Variants in WFDC5 observed in about 807,000 individuals in gnomAD.
The protein encoded by WFDC5 is WAP four-disulfide core domain 5, also known as WAP four-disulfide core domain protein 5.
A neutral mutation model predicts 15.7 loss-of-function variants in WFDC5; 15 were observed. That is an observed-to-expected ratio of 0.96 (90% CI 0.64 to 1.47). WFDC5 has a LOEUF of 1.47. Among genes scored for constraint, WFDC5 ranks in the 40% most tolerant of loss-of-function variants. WFDC5 has a pLI of 0.00. For missense variants in WFDC5, 280 were observed against 258.0 expected (o/e 1.09, Z -0.59); for synonymous variants, 109 against 107.7 (o/e 1.01, Z -0.07).
Position 45,112,751 on chromosome 20 carries a change from A to G in WFDC5, c.86-1976T>C, listed in dbSNP as rs539238407. Among the ~76,000 whole-genome samples, 12 of 152,364 alleles carry G rather than the reference A, an allele frequency of 7.9e-5. No individual in the cohort carries two copies. The South Asian group carries it at 2.5e-3, about 32-fold the overall frequency. ...TTAGCTACAGGCTTAACAGTAGGAA[A>G]CTGCAGATAGTCAACTGTTTTATCT... On this transcript the variant is annotated intron_variant, in intron 1 of 3. Coordinates refer to ENST00000307971, the Ensembl canonical transcript of WFDC5.
At chr20:45,115,455 C>A (rs1353196086), upstream of WFDC5, among the ~76,000 whole-genome samples, 1 of 152,102 alleles carries the variant, frequency 6.6e-6, no homozygotes, top group African/African-American at 2.4e-5. Flanking sequence ...GAAGCCCCAG[C>A]GATGTCTAGG....
chr20:45,115,227 G>T, upstream of WFDC5: 1 of 696,240 alleles, frequency 1.4e-6, no homozygotes, highest in South Asian at 1.9e-5. Context: ...ACCCCCTGAG[G>T]GCCCGAGGAC....
In WFDC5 at chr20:45,115,153, A is replaced by G. The variant is rs574361068; in HGVS notation, c.-70T>C. 2,847 of 1,485,480 alleles carry G rather than the reference A, an allele frequency of 1.9e-3. 67 individuals are homozygous for G. The South Asian group carries it at 0.031, about 16-fold the overall frequency. The allele number at this position is 1,485,480 out of a possible 1,614,324, so 92.0% of individuals were successfully genotyped here. A position where few individuals can be genotyped will look rare whatever the true frequency, so the allele number is the denominator to read the frequency against. On this transcript the variant is annotated 5_prime_UTR_variant, in exon 1 of 4. Coordinates refer to ENST00000307971, the Ensembl canonical transcript of WFDC5. Reference sequence around the variant, plus strand: ...CTGCAGCCTCAGGGAAGCCAGAGAAACTTAGTCAGGAGAGGAAAGAGAGGG... The same window carrying G: ...CTGCAGCCTCAGGGAAGCCAGAGAAGCTTAGTCAGGAGAGGAAAGAGAGGG...
upstream of WFDC5, chr20:45,115,192 A>G (rs961521859): frequency 4.9e-6 from 5 of 1,018,456 alleles, no homozygotes; most frequent in African/African-American, 3.2e-5. Flanking sequence ...GTGGAGTGAC[A>G]CCGTGCCTGC....
upstream of WFDC5, chr20:45,115,215 C>G: frequency 1.2e-6 from 1 of 807,288 alleles, no homozygotes; most frequent in Admixed American, 2.8e-5. Context: ...CATCTTGGCC[C>G]CACCCCCTGA....
chr20:45,109,863 T>A (rs781008797), exon 4 of WFDC5: 1 of 1,155,840 alleles, frequency 8.7e-7, no homozygotes, highest in South Asian at 1.3e-5. Context: ...TGCAGGGAAG[T>A]GTCAGCAGGC....
At chr20:45,112,686 A>G (rs1309513895) in intron 1 of WFDC5, among the ~76,000 whole-genome samples, 1 of 152,236 alleles carries the variant, frequency 6.6e-6, no homozygotes, top group African/African-American at 2.4e-5. Context: ...CGATACACAC[A>G]TAGTCAAATA....
At chr20:45,115,172 G>C, upstream of WFDC5, 1 of 1,304,166 alleles carries the variant, frequency 7.7e-7, no homozygotes, top group East Asian at 2.4e-5. Context: ...GGAGAGGAAA[G>C]AGAGGGGGTG....
At chr20:45,109,518 T>G in exon 4 of WFDC5, 1 of 531,834 alleles carries the variant, frequency 1.9e-6, no homozygotes, top group African/African-American at 1.9e-5. Flanking sequence ...AAAGAAAACA[T>G]TAAGTAAATG....
chr20:45,114,259 A>G (rs1981696712), intron 1 of WFDC5, among the ~76,000 whole-genome samples: 1 of 152,152 alleles, frequency 6.6e-6, no homozygotes, highest in African/African-American at 2.4e-5. Flanking sequence ...GGAGTGTTCC[A>G]GCCCCAGAAA....
chr20:45,115,327 G>A (rs1981734881), upstream of WFDC5, among the ~76,000 whole-genome samples: 1 of 152,122 alleles, frequency 6.6e-6, no homozygotes, highest in South Asian at 2.1e-4. Flanking sequence ...TGCCTGTATC[G>A]GTGACTTGGG....
At chr20:45,110,047 C>T (rs1427781728) in intron 3 of WFDC5, 34 bp from the exon 4 acceptor site, 39 of 1,602,926 alleles carry the variant, frequency 2.4e-5, no homozygotes, top group Non-Finnish European at 3.1e-5. Context: ...TAATTCCTTC[C>T]CATAATAGGG....
chr20:45,112,543 C>T (rs767766620), intron 1 of WFDC5, among the ~76,000 whole-genome samples: 32 of 152,228 alleles, frequency 2.1e-4, no homozygotes, highest in Non-Finnish European at 3.7e-4. Flanking sequence ...AGGTTCTCCA[C>T]TCACAGATGT....
chr20:45,111,019 A>G (rs146722335), intron 1 of WFDC5, among the ~76,000 whole-genome samples: 7 of 152,342 alleles, frequency 4.6e-5, no homozygotes, highest in Non-Finnish European at 1.0e-4. Context: ...ATGAAGCCCA[A>G]CATCTCCACT....
At chr20:45,112,562 A>G (rs958532794) in intron 1 of WFDC5, among the ~76,000 whole-genome samples, 1 of 152,248 alleles carries the variant, frequency 6.6e-6, no homozygotes, top group Non-Finnish European at 1.5e-5. Context: ...GTGTACATCG[A>G]GACAGTCACA....
Position 45,110,396 on chromosome 20 carries a change from G to A in WFDC5, c.371C>T (p.Thr124Met), listed in dbSNP as rs201106936. 325 of 1,597,148 alleles carry A rather than the reference G, an allele frequency of 2.0e-4. No homozygotes were observed. The African/African-American group carries it at 3.9e-3, about 19-fold the overall frequency. ...CACCTGCCCTGGGCACCCAGGAGCC[G>A]TACCTCTGGCAGGATCCCGGCAATC... Residue 124 changes from threonine (T) to methionine (M), a missense_variant, in exon 3 of 4, where the codon ACG becomes ATG. Coordinates refer to ENST00000307971, the Ensembl canonical transcript of WFDC5.
At chr20:45,114,458 C>G (rs1048343714) in intron 1 of WFDC5, among the ~76,000 whole-genome samples, 12 of 152,124 alleles carry the variant, frequency 7.9e-5, no homozygotes, top group Non-Finnish European at 1.3e-4. Context: ...GCCACACCCT[C>G]TCCTCAATTC....
chr20:45,109,531 G>A, exon 4 of WFDC5: 1 of 560,092 alleles, frequency 1.8e-6, no homozygotes, highest in Non-Finnish European at 3.2e-6. Context: ...AGTAAATGGT[G>A]GTACAGGCAG....
At chr20:45,112,471 A>G (rs1981648443) in intron 1 of WFDC5, among the ~76,000 whole-genome samples, 2 of 152,154 alleles carry the variant, frequency 1.3e-5, no homozygotes, top group African/African-American at 4.8e-5. Flanking sequence ...AGCCGGCGTG[A>G]GAGGCTCTGG....
Sources: gnomAD v4.1 joint callset for allele counts (sites outside exome capture counted in the v4.1 genomes callset) on GRCh38, gnomAD v4.1.1 for gene constraint, MANE v1.5 for transcripts, NCBI Gene and HGNC (gene_info 2026-07-23, HGNC 2026-07-21) for gene names.